The following NLGN1 variants were observed in gnomAD, a reference collection of about 807,000 sequenced individuals.
The protein encoded by NLGN1 is neuroligin 1.
In NLGN1, 12 loss-of-function variants were observed where a neutral mutation model predicts 65.5. That is an observed-to-expected ratio of 0.18 (90% CI 0.12 to 0.30). The LOEUF is 0.30. Among genes scored for constraint, NLGN1 ranks in the 10% least tolerant of loss-of-function variants. NLGN1 has a pLI of 1.00. For synonymous variants in NLGN1, 350 were observed against 359.5 expected, an observed-to-expected ratio of 0.97 and a Z score of 0.30; for missense variants, 750 against 1,007.1, an observed-to-expected ratio of 0.74 and a Z score of 3.46.
intron 3 of NLGN1, among the ~76,000 whole-genome samples, chr3:173,759,628 C>G (rs1777661621): frequency 6.6e-6 from 1 of 151,906 alleles, no homozygotes; most frequent in Non-Finnish European, 1.5e-5. Context: ...GCAAAAAGCC[C>G]TATTGCGTGA....
chr3:174,029,720 G>T (rs1019666397), intron 4 of NLGN1, among the ~76,000 whole-genome samples: 1 of 152,102 alleles, frequency 6.6e-6, no homozygotes, highest in East Asian at 1.9e-4. Flanking sequence ...GTCAAGGGTG[G>T]GGCCAGGTGG....
At chr3:174,054,472 A>T (rs1735590575) in intron 4 of NLGN1, among the ~76,000 whole-genome samples, 1 of 152,054 alleles carries the variant, frequency 6.6e-6, no homozygotes, top group African/African-American at 2.4e-5. Context: ...GTTGGCTTAC[A>T]TAACCCTTCA....
At chr3:173,562,056 A>G (rs1481712398) in intron 2 of NLGN1, among the ~76,000 whole-genome samples, 1 of 152,210 alleles carries the variant, frequency 6.6e-6, no homozygotes, top group African/African-American at 2.4e-5. Flanking sequence ...ATGGTGGGGA[A>G]GCATGAAGAC....
chr3:174,278,387 A>G (rs1164288468), intron 5 of NLGN1, among the ~76,000 whole-genome samples: 1 of 152,008 alleles, frequency 6.6e-6, no homozygotes, highest in Non-Finnish European at 1.5e-5. Flanking sequence ...TCTTTTTCAA[A>G]TAACATCTGT....
chr3:173,516,906 C>A (rs190581429), intron 2 of NLGN1, among the ~76,000 whole-genome samples: 1 of 151,986 alleles, frequency 6.6e-6, no homozygotes, highest in African/African-American at 2.4e-5. Context: ...TTAGCTTTAT[C>A]TACTTCATAG....
intron 4 of NLGN1, among the ~76,000 whole-genome samples, chr3:173,914,002 G>A (rs1306866284): frequency 6.6e-6 from 1 of 152,158 alleles, no homozygotes; most frequent in Admixed American, 6.6e-5. Context: ...CTAAACTCCA[G>A]TCTAGTGTGC....
At chr3:173,687,612 TA>T (rs1764864826) in intron 3 of NLGN1, among the ~76,000 whole-genome samples, 1 of 152,204 alleles carries the variant, frequency 6.6e-6, no homozygotes, top group Non-Finnish European at 1.5e-5. Context: ...ATATTTATAC[TA>T]AAAAGTGAGA....
At chr3:173,760,002 C>A (rs1237964317) in intron 3 of NLGN1, among the ~76,000 whole-genome samples, 1 of 151,854 alleles carries the variant, frequency 6.6e-6, no homozygotes, top group African/African-American at 2.4e-5. Flanking sequence ...TTAGACCATC[C>A]TTTTCAAACG....
chr3:173,637,918 G>A (rs1403658833), intron 3 of NLGN1, among the ~76,000 whole-genome samples: 2 of 152,084 alleles, frequency 1.3e-5, no homozygotes, highest in African/African-American at 4.8e-5. Context: ...CACCAGAGAC[G>A]GCGTTTCATT....
intron 4 of NLGN1, among the ~76,000 whole-genome samples, chr3:174,055,709 A>G (rs1735909805): frequency 6.6e-6 from 1 of 152,050 alleles, no homozygotes; most frequent in African/African-American, 2.4e-5. Context: ...GTAGACACAC[A>G]AGCAACATGA....
intron 2 of NLGN1, among the ~76,000 whole-genome samples, chr3:173,524,618 G>A (rs1325409068): frequency 6.6e-6 from 1 of 152,172 alleles, no homozygotes; most frequent in Non-Finnish European, 1.5e-5. Context: ...GTAGTGGTGA[G>A]AGTGAATATT....
intron 4 of NLGN1, among the ~76,000 whole-genome samples, chr3:174,076,714 A>AGTGTGTGT (rs1741025940): frequency 7.4e-6 from 1 of 135,464 alleles, no homozygotes; most frequent in African/African-American, 3.0e-5. Flanking sequence ...AGAGAGAGAG[A>AGTGTGTGT]GAGAGAGAGA....
intron 3 of NLGN1, among the ~76,000 whole-genome samples, chr3:173,800,579 A>G (rs936217759): frequency 9.9e-5 from 15 of 151,878 alleles, no homozygotes; most frequent in African/African-American, 3.6e-4. Flanking sequence ...AATGTTTTAA[A>G]AAGAGGGGCA....
intron 2 of NLGN1, among the ~76,000 whole-genome samples, chr3:173,488,223 C>T (rs912791274): frequency 2.0e-5 from 3 of 151,942 alleles, no homozygotes; most frequent in African/African-American, 4.8e-5. Flanking sequence ...TTACTTTGAT[C>T]ACTACCCACC....
intron 3 of NLGN1, among the ~76,000 whole-genome samples, chr3:173,755,268 T>A (rs1365529206): frequency 6.6e-6 from 1 of 152,118 alleles, no homozygotes; most frequent in Non-Finnish European, 1.5e-5. Flanking sequence ...TATTGATGTA[T>A]CTATTGCATT....
chr3:173,981,083 G>A (rs1392824291), intron 4 of NLGN1, among the ~76,000 whole-genome samples: 1 of 152,072 alleles, frequency 6.6e-6, no homozygotes, highest in African/African-American at 2.4e-5. Context: ...GGGCACTGGA[G>A]TCACAAGAAA....
At chr3:174,046,983 A>T (rs1364603313) in intron 4 of NLGN1, among the ~76,000 whole-genome samples, 1 of 152,026 alleles carries the variant, frequency 6.6e-6, no homozygotes, top group East Asian at 1.9e-4. Context: ...TGTTAAGGAA[A>T]GTTATCAATG....
chr3:173,878,455 T>G (rs1246220748), intron 4 of NLGN1, among the ~76,000 whole-genome samples: 2 of 152,122 alleles, frequency 1.3e-5, no homozygotes, highest in Non-Finnish European at 2.9e-5. Flanking sequence ...TGAAAAAATT[T>G]AATTCCTTGA....
chr3:173,452,398 G>A (rs939353152), intron 2 of NLGN1, among the ~76,000 whole-genome samples: 2 of 152,064 alleles, frequency 1.3e-5, no homozygotes, highest in Non-Finnish European at 2.9e-5. Flanking sequence ...GTGTTAGCTA[G>A]GATAGTCTCG....
Sources: gnomAD v4.1 joint callset for allele counts (sites outside exome capture counted in the v4.1 genomes callset) on GRCh38, gnomAD v4.1.1 for gene constraint, MANE v1.5 for transcripts, NCBI Gene and HGNC (gene_info 2026-07-23, HGNC 2026-07-21) for gene names.